Variants in GINS2 observed in about 807,000 individuals in gnomAD.
GINS2 encodes DNA replication complex GINS protein PSF2.
A neutral mutation model predicts 21.2 loss-of-function variants in GINS2; 23 were observed. The observed-to-expected ratio is 1.08, with a 90% CI of 0.78 to 1.53. The LOEUF (loss-of-function observed/expected upper bound fraction) is 1.53, where lower values mean the gene tolerates loss of function less well. GINS2 is among the 40% of genes most tolerant of loss of function. GINS2 has a pLI of 0.00. For synonymous variants in GINS2, 118 were observed against 85.6 expected (o/e 1.38, Z -2.09); for missense variants, 323 against 233.9 (o/e 1.38, Z -2.49).
intron 3 of GINS2, among the ~76,000 whole-genome samples, 172 bp from the exon 4 acceptor site, chr16:85,678,838 G>A (rs1344669846): frequency 2.6e-5 from 4 of 152,200 alleles, no homozygotes; most frequent in East Asian, 1.9e-4. Context: ...AGCTTGGTGC[G>A]GCAGTGATCC....
Position 85,677,182 on chromosome 16 carries a change from T to TA in GINS2, c.*1029dup, listed in dbSNP as rs1156456975. The TA allele has an allele frequency of 6.6e-6, 1 of 152,154 alleles. No individual in the cohort carries two copies. Among genetic ancestry groups the TA allele is most frequent in the Non-Finnish European group, 1.5e-5 (1 of 68,030 alleles). 9.4% of individuals were successfully genotyped at this position (152,154 alleles called of 1,614,324 possible). The stretch of plus-strand genomic sequence containing the variant: ...CAAGCCAATGTGCCCGGCCAAAAAT[T>TA]AAAGTTTTTTTTAAAGCTGATTACA... On this transcript the variant is annotated 3_prime_UTR_variant, in exon 5 of 5. Transcript: ENST00000253462.
At chr16:85,680,559 G>T (rs2053723095) in intron 3 of GINS2, among the ~76,000 whole-genome samples, 2 of 152,104 alleles carry the variant, frequency 1.3e-5, no homozygotes, top group East Asian at 3.9e-4. Flanking sequence ...TCTCACTGGG[G>T]ACATATGCAT....
At chr16:85,682,094 ACAGCTCACTG>A (rs2053738972) in intron 2 of GINS2, among the ~76,000 whole-genome samples, 2 of 130,488 alleles carry the variant, frequency 1.5e-5, no homozygotes, top group Admixed American at 2.0e-4. Context: ...TGGCACCATC[ACAGCTCACTG>A]CAGCTTCAAC....
chr16:85,684,695 G>A (rs1366110919), intron 2 of GINS2, among the ~76,000 whole-genome samples: 2 of 151,300 alleles, frequency 1.3e-5, no homozygotes, highest in East Asian at 1.9e-4. Context: ...ACGTAAACAG[G>A]TAAATCTCAA....
chr16:85,686,299 T>A (rs1483952934), intron 2 of GINS2, among the ~76,000 whole-genome samples: 5 of 152,126 alleles, frequency 3.3e-5, no homozygotes, highest in Admixed American at 2.6e-4. Flanking sequence ...GCGCCTGTAG[T>A]CCCAGCTACT....
chr16:85,678,314 C>A lies in GINS2; in HGVS notation c.456G>T (p.Glu152Asp). 1 of 1,613,832 alleles carries A rather than the reference C, an allele frequency of 6.2e-7. No homozygotes were observed. The highest frequency in any genetic ancestry group is 8.5e-7 in the Non-Finnish European group (1 of 1,179,742). The change falls in exon 5 of 5, where the codon GAG becomes GAT. Residue 152 changes from glutamate to aspartate, a missense_variant. Coordinates refer to ENST00000253462, the MANE Select transcript of GINS2 (RefSeq NM_016095.3). ...HAKLDNLTLM[E>D]INTSGTFLTQ... is the part of the protein sequence containing the mutation. ...TGAGGAAAGTCCCGCTGGTGTTGAT[C>A]TCCATCAAGGTCAAGTTATCCAGCT...
At chr16:85,683,704 A>T (rs1449111628) in intron 2 of GINS2, among the ~76,000 whole-genome samples, 1 of 152,242 alleles carries the variant, frequency 6.6e-6, no homozygotes, top group African/African-American at 2.4e-5. Context: ...GGCCACTCTC[A>T]GTGCTTGCCT....
intron 2 of GINS2, among the ~76,000 whole-genome samples, chr16:85,682,735 C>G (rs1179422169): frequency 2.0e-5 from 3 of 152,164 alleles, no homozygotes; most frequent in Non-Finnish European, 4.4e-5. Flanking sequence ...CACACATGCT[C>G]CAGCTCCCTC....
At chr16:85,684,707 AAC>A (rs1478295193) in intron 2 of GINS2, among the ~76,000 whole-genome samples, 2 of 151,084 alleles carry the variant, frequency 1.3e-5, no homozygotes, top group Non-Finnish European at 2.9e-5. Context: ...AAATCTCAAA[AAC>A]AGTGTTGGAT....
intron 1 of GINS2, chr16:85,687,787 C>T (rs555390103): frequency 8.6e-4 from 378 of 441,008 alleles, no homozygotes; most frequent in Middle Eastern, 7.2e-3. Flanking sequence ...TCTGGCCTTT[C>T]CGCGGACAGG....
At chr16:85,681,169 C>A (rs1346494745) in intron 3 of GINS2, among the ~76,000 whole-genome samples, 1 of 152,238 alleles carries the variant, frequency 6.6e-6, no homozygotes, top group Non-Finnish European at 1.5e-5. Context: ...CTCAAATCCA[C>A]CTACTCCAAG....
At chr16:85,687,836 T>C (rs2152053319) in intron 1 of GINS2, 1 of 336,374 alleles carries the variant, frequency 3.0e-6, no homozygotes, top group Non-Finnish European at 5.4e-6. Context: ...GCGCTCCCTC[T>C]CCCGCCTGCA....
rs576906156 is a variant in GINS2, at chr16:85,687,368, G to A, written c.205+92C>T. 3.2e-5 allele frequency: 21 copies of A among 651,128 alleles called. No homozygotes were observed. In the African/African-American group the frequency reaches 3.7e-4, roughly 11 times the overall value. The allele number at this position is 651,128 out of a possible 1,614,324, so 40.3% of individuals were successfully genotyped here. A position where few individuals can be genotyped will look rare whatever the true frequency, so the allele number is the denominator to read the frequency against. ...ACAGAGGGAGCACGGACCTAGTCAG[G>A]AAGGAGGCCCCATGCCTCCACCCCG... On this transcript the variant is annotated intron_variant, in intron 2 of 4. Transcript: ENST00000253462.
At chr16:85,687,656 G>A (rs2053789302) in intron 1 of GINS2, 82 bp from the exon 2 acceptor site, 5 of 753,558 alleles carry the variant, frequency 6.6e-6, no homozygotes, top group Non-Finnish European at 1.0e-5. Flanking sequence ...TCAAATAAGA[G>A]GCAAGGCATT....
chr16:85,687,459 C>G lies in GINS2; in HGVS notation c.205+1G>C. The G allele has an allele frequency of 6.6e-7, 1 of 1,521,374 alleles. No homozygotes were observed. Among genetic ancestry groups the G allele is most frequent in the Non-Finnish European group, 8.8e-7 (1 of 1,131,224 alleles). 94.2% of individuals were successfully genotyped at this position (1,521,374 alleles called of 1,614,324 possible). A position where few individuals can be genotyped will look rare whatever the true frequency, so the allele number is the denominator to read the frequency against. Reference sequence around the variant, plus strand: ...TCAACCAGTCTCCACCACATCCTTACCTACATCCATCCACTCTGGAGGGAG... The same window carrying G: ...TCAACCAGTCTCCACCACATCCTTAGCTACATCCATCCACTCTGGAGGGAG... On this transcript the variant is annotated splice_donor_variant, in intron 2 of 4. Transcript: ENST00000253462. LOFTEE classifies it high-confidence loss of function.
rs776367633 is a variant in GINS2, at chr16:85,687,880, A to G, written c.91-306T>C. 17 of 223,216 alleles carry G rather than the reference A, an allele frequency of 7.6e-5. No individual in the cohort carries two copies. The East Asian group carries it at 1.2e-3, about 15-fold the overall frequency. 13.8% of individuals were successfully genotyped at this position (223,216 alleles called of 1,614,324 possible). A position where few individuals can be genotyped will look rare whatever the true frequency, so the allele number is the denominator to read the frequency against. On this transcript the variant is annotated intron_variant, in intron 1 of 4. Transcript: ENST00000253462. ...CTCCGGAACAGGTTTCACACACCCA[A>G]TGTTGGGGTCCTGGGGTGCGGGGAG...
In GINS2 at chr16:85,681,582, TG is replaced by T. The variant is rs780966219; in HGVS notation, c.304del (p.His102MetfsTer24). 2.5e-6 allele frequency: 4 copies of T among 1,576,566 alleles called. No individual in the cohort carries two copies. The East Asian group carries it at 6.7e-5, about 26-fold the overall frequency. ...YMELTKLLLN[H>X]ASDNIPKADE... ...CCTCTAAGAGGTGAGATCTACTTAC[TG>T]ATTTAACAGGAGCTTCGTAAGTTCC... On this transcript the variant is annotated frameshift_variant and splice_region_variant, in exon 3 of 5. Coordinates refer to ENST00000253462, the MANE Select transcript of GINS2 (RefSeq NM_016095.3). LOFTEE classifies it high-confidence loss of function.
At chr16:85,679,115 A>G (rs1440893157) in intron 3 of GINS2, among the ~76,000 whole-genome samples, 2 of 152,164 alleles carry the variant, frequency 1.3e-5, no homozygotes, top group Non-Finnish European at 2.9e-5. Flanking sequence ...CAGCCTAGAG[A>G]AGGAAAACGC....
chr16:85,687,360 C>G lies in GINS2; in HGVS notation c.205+100G>C, dbSNP rs557515862. Reference sequence around the variant, plus strand: ...ATAACGGAACAGAGGGAGCACGGACCTAGTCAGGAAGGAGGCCCCATGCCT... The same window carrying G: ...ATAACGGAACAGAGGGAGCACGGACGTAGTCAGGAAGGAGGCCCCATGCCT... On this transcript the variant is annotated intron_variant, in intron 2 of 4. Transcript: ENST00000253462. 1.1e-5 allele frequency: 7 copies of G among 612,420 alleles called. No individual in the cohort carries two copies. The East Asian group carries it at 2.0e-4, about 18-fold the overall frequency. The allele number at this position is 612,420 out of a possible 1,614,324, so 37.9% of individuals were successfully genotyped here.
Sources: allele counts gnomAD v4.1 joint callset (sites outside exome capture counted in the v4.1 genomes callset), GRCh38; gene constraint gnomAD v4.1.1; transcripts MANE v1.5; gene names NCBI Gene and HGNC (gene_info 2026-07-23, HGNC 2026-07-21).